SUMF1: variants seen among roughly 807,000 people sequenced by gnomAD.
SUMF1 encodes the protein sulfatase modifying factor 1, also known as formylglycine-generating enzyme.
SUMF1 carries 48 observed loss-of-function variants against 47.6 expected under a neutral mutation model. That is an observed-to-expected ratio of 1.01 (90% CI 0.80 to 1.28). SUMF1 has a LOEUF of 1.28. SUMF1 is among the 50% of genes most tolerant of loss of function. The probability of loss-of-function intolerance (pLI) is 0.00; values close to 1 mark genes in which losing one functional copy is unlikely to be tolerated. For synonymous variants in SUMF1, 230 were observed against 192.1 expected (o/e 1.20, Z -1.63); for missense variants, 571 against 485.4 (o/e 1.18, Z -1.66).
chr3:4,082,895 T>C (rs1483065531), intron 8 of SUMF1, among the ~76,000 whole-genome samples: 2 of 152,166 alleles, frequency 1.3e-5, no homozygotes, highest in African/African-American at 4.8e-5. Context: ...GAAATCTATG[T>C]CTGTTTAAAC....
At chr3:4,088,555 A>G (rs1035498690) in intron 8 of SUMF1, among the ~76,000 whole-genome samples, 1 of 151,914 alleles carries the variant, frequency 6.6e-6, no homozygotes, top group Non-Finnish European at 1.5e-5. Flanking sequence ...TTTTGTCTAT[A>G]ATATTTATCA....
intron 8 of SUMF1, among the ~76,000 whole-genome samples, chr3:4,237,121 T>G (rs935438675): frequency 2.6e-5 from 4 of 152,278 alleles, no homozygotes; most frequent in Middle Eastern, 3.4e-3. Flanking sequence ...GGATATATCA[T>G]AGTTTATTTA....
At chr3:4,386,383 GTATTT>G (rs1212622649) in intron 7 of SUMF1, among the ~76,000 whole-genome samples, 3 of 152,092 alleles carry the variant, frequency 2.0e-5, no homozygotes, top group Admixed American at 6.5e-5. Flanking sequence ...TAAATGTATT[GTATTT>G]TAAATTTCAA....
At chr3:4,459,311 T>C (rs1451761792) in intron 1 of SUMF1, among the ~76,000 whole-genome samples, 2 of 151,888 alleles carry the variant, frequency 1.3e-5, no homozygotes, top group African/African-American at 4.8e-5. Context: ...CAAATTATTA[T>C]AAAATTATTT....
intron 8 of SUMF1, among the ~76,000 whole-genome samples, chr3:4,209,821 C>T (rs924516407): frequency 1.6e-4 from 25 of 152,030 alleles, no homozygotes; most frequent in African/African-American, 4.6e-4. Flanking sequence ...AAGATCACTA[C>T]GCTAAAGACT....
chr3:4,312,747 T>C lies in SUMF1; in HGVS notation c.1014+63583A>G, dbSNP rs1284404512. ...CTTGTTTTATTGAAGAGAGATGTTT[T>C]TGGACAATATCTTAGTATGCTGTGT... is the stretch of plus-strand genomic sequence containing the variant. On this transcript the variant is annotated intron_variant and NMD_transcript_variant, in intron 8 of 12. Transcript: ENST00000448413. The C allele has an allele frequency of 2.3e-6, 2 of 877,548 alleles. 1 individual carries two copies. Among genetic ancestry groups the C allele is most frequent in the South Asian group, 5.0e-5 (2 of 40,364 alleles). The allele number at this position is 877,548 out of a possible 1,614,324, so 54.4% of individuals were successfully genotyped here. A position where few individuals can be genotyped will look rare whatever the true frequency, so the allele number is the denominator to read the frequency against.
chr3:4,207,070 A>C (rs1695669630), intron 8 of SUMF1, among the ~76,000 whole-genome samples: 1 of 152,116 alleles, frequency 6.6e-6, no homozygotes, highest in African/African-American at 2.4e-5. Flanking sequence ...CTTGTACTTT[A>C]AAAAATTTAT....
intron 8 of SUMF1, among the ~76,000 whole-genome samples, chr3:4,129,107 A>T (rs954192388): frequency 1.3e-5 from 2 of 152,170 alleles, no homozygotes; most frequent in African/African-American, 4.8e-5. Context: ...ATGCCTTGCA[A>T]AACAGATTCG....
At chr3:4,170,634 C>T (rs571260401) in intron 8 of SUMF1, among the ~76,000 whole-genome samples, 3 of 152,068 alleles carry the variant, frequency 2.0e-5, no homozygotes, top group African/African-American at 4.8e-5. Flanking sequence ...CAATAACAGA[C>T]AATAGATCGA....
intron 8 of SUMF1, among the ~76,000 whole-genome samples, chr3:4,104,216 A>T (rs533786231): frequency 6.6e-6 from 1 of 152,090 alleles, no homozygotes; most frequent in Non-Finnish European, 1.5e-5. Flanking sequence ...ACAAGATCTG[A>T]TGGTTTTATA....
intron 8 of SUMF1, among the ~76,000 whole-genome samples, chr3:4,348,851 G>T (rs178098): frequency 3.3e-5 from 5 of 152,140 alleles, no homozygotes; most frequent in African/African-American, 4.8e-5. Context: ...CTCCAGCCTG[G>T]GCAACAAGAG....
At chr3:4,072,802 A>G (rs1176527344) in intron 8 of SUMF1, among the ~76,000 whole-genome samples, 2 of 152,186 alleles carry the variant, frequency 1.3e-5, no homozygotes, top group East Asian at 3.8e-4. Context: ...GTGAAGAGAA[A>G]TGAACAAAGC....
At chr3:4,178,161 A>G (rs766149245) in intron 8 of SUMF1, among the ~76,000 whole-genome samples, 42 of 152,204 alleles carry the variant, frequency 2.8e-4, no homozygotes, top group Non-Finnish European at 1.3e-4. Context: ...AATCAATAGA[A>G]AAAGAGGGAA....
intron 8 of SUMF1, among the ~76,000 whole-genome samples, chr3:4,221,190 A>C (rs886162725): frequency 2.0e-5 from 3 of 152,076 alleles, no homozygotes; most frequent in African/African-American, 7.2e-5. Context: ...CATTACACTC[A>C]CCAAGAAACA....
At position 4,466,942 on chromosome 3, in the gene SUMF1, G is replaced by GCC. The variant is rs760225852; in HGVS notation, c.270+32_270+33dup. 7.5e-6 allele frequency: 12 copies of GCC among 1,601,670 alleles called. No homozygotes were observed. The East Asian group carries it at 2.7e-4, about 36-fold the overall frequency. ...TCCAACCCCGTCCAGGAACCGAGCA[G>GCC]CCCCCACCCGCCTCGGAGGAATCGA... On this transcript the variant is annotated intron_variant, in intron 1 of 8. Coordinates refer to ENST00000272902, the MANE Select transcript of SUMF1 (RefSeq NM_182760.4).
intron 7 of SUMF1, among the ~76,000 whole-genome samples, chr3:4,391,046 G>A (rs1052040299): frequency 3.9e-5 from 6 of 152,122 alleles, no homozygotes; most frequent in African/African-American, 1.2e-4. Flanking sequence ...ATTCTTAGTT[G>A]ACAGGTTTGT....
At chr3:4,211,189 C>CATACATATATAT (rs1559569866) in intron 8 of SUMF1, among the ~76,000 whole-genome samples, 14 of 61,056 alleles carry the variant, frequency 2.3e-4, no homozygotes, top group Admixed American at 2.2e-4. Flanking sequence ...TATACATATA[C>CATACATATATAT]ATATACATAC....
chr3:4,158,231 T>C (rs1254582565), intron 8 of SUMF1, among the ~76,000 whole-genome samples: 3 of 151,680 alleles, frequency 2.0e-5, no homozygotes, highest in Non-Finnish European at 4.4e-5. Flanking sequence ...AATGGAGATA[T>C]AAACAAATGT....
In SUMF1 at chr3:4,151,556, TACACACAC is replaced by T. The variant is rs35911373; in HGVS notation, c.1015-82819_1015-82812del. 4.2e-4 allele frequency among the ~76,000 whole-genome samples: 57 copies of T among 137,276 alleles called. 2 individuals are homozygous for T. The highest frequency in any genetic ancestry group is 2.7e-3 in the South Asian group (12 of 4,388). The allele number at this position is 137,276 out of a possible 152,430, so 90.1% of individuals were successfully genotyped here. On this transcript the variant is annotated intron_variant and NMD_transcript_variant, in intron 8 of 12. Transcript: ENST00000448413. ...ATGTGTATATATATGTGTGTGTATA[TACACACAC>T]ACACACACACACACACACACACACA... is the stretch of plus-strand genomic sequence containing the variant.
Sources: gnomAD v4.1 joint callset for allele counts (sites outside exome capture counted in the v4.1 genomes callset) on GRCh38, gnomAD v4.1.1 for gene constraint, MANE v1.5 for transcripts, NCBI Gene and HGNC (gene_info 2026-07-23, HGNC 2026-07-21) for gene names.